Variants in DYNC2H1 observed in about 807,000 individuals in gnomAD.
The protein encoded by DYNC2H1 is dynein cytoplasmic 2 heavy chain 1.
DYNC2H1 carries 410 observed loss-of-function variants against 570.0 expected under a neutral mutation model. The observed-to-expected ratio is 0.72, with a 90% CI of 0.66 to 0.78. The LOEUF (loss-of-function observed/expected upper bound fraction) is 0.78, where lower values mean the gene tolerates loss of function less well. Ranked by LOEUF, DYNC2H1 falls within the 30% of genes least tolerant of loss-of-function variation. The pLI, the probability that DYNC2H1 is intolerant of heterozygous loss-of-function variation, is 0.00. For synonymous variants in DYNC2H1, 1,688 were observed against 1,677.6 expected, an observed-to-expected ratio of 1.01 and a Z score of -0.15; for missense variants, 4,865 against 5,046.4, an observed-to-expected ratio of 0.96 and a Z score of 1.09.
chr11:103,363,961 A>G lies in DYNC2H1; in HGVS notation c.12156+5602A>G, dbSNP rs1251841297. On this transcript the variant is annotated intron_variant, in intron 83 of 88. Coordinates refer to ENST00000375735, the MANE Select transcript of DYNC2H1 (RefSeq NM_001377.3). This position sits in a 1 kb window ranked among gnomAD's most constrained non-coding sequence, Gnocchi z 5.6. ...AATGTAATAGGAGTCTTTTTTCCATATGAGGACCTTGAAGCTCCATAAGGC... is the reference window on the plus strand; with the variant it reads ...AATGTAATAGGAGTCTTTTTTCCATGTGAGGACCTTGAAGCTCCATAAGGC... Among the ~76,000 whole-genome samples, 1 of 152,282 alleles carries G rather than the reference A, an allele frequency of 6.6e-6. No individual in the cohort carries two copies. The highest frequency in any genetic ancestry group is 1.9e-4 in the East Asian group (1 of 5,184).
At chr11:103,247,681 C>T (rs1157489161) in intron 65 of DYNC2H1, among the ~76,000 whole-genome samples, 2 of 151,976 alleles carry the variant, frequency 1.3e-5, no homozygotes, top group African/African-American at 4.8e-5. Context: ...TAAGCTAGTT[C>T]ACTAGTTCCA....
chr11:103,468,905 A>T lies in DYNC2H1; in HGVS notation c.12765+200A>T, dbSNP rs17100974. On this transcript the variant is annotated intron_variant, in intron 88 of 88. Transcript: ENST00000375735. ...GACATTTGAAAACCTTGATTTTGTTATAGAAAGAATAACATAGTATTAATT... is the reference window on the plus strand; with the variant it reads ...GACATTTGAAAACCTTGATTTTGTTTTAGAAAGAATAACATAGTATTAATT... Among the ~76,000 whole-genome samples, 24,855 of 152,182 alleles carry T rather than the reference A, an allele frequency of 0.16. 2,186 individuals carry two copies. Among genetic ancestry groups the T allele is most frequent in the Admixed American group, 0.25 (3,760 of 15,284 alleles).
At chr11:103,222,378 G>C (rs1863620793) in intron 58 of DYNC2H1, among the ~76,000 whole-genome samples, 1 of 152,052 alleles carries the variant, frequency 6.6e-6, no homozygotes, top group South Asian at 2.1e-4. Context: ...TAATAGTTTT[G>C]TATCTGCTGT....
rs1303602019 is a variant in DYNC2H1, at chr11:103,414,157, T to TACA, written c.12366+14287_12366+14289dup. On this transcript the variant is annotated intron_variant, in intron 84 of 88. Coordinates refer to ENST00000375735, the MANE Select transcript of DYNC2H1 (RefSeq NM_001377.3). ...TGGAAACATAACCTTTATCAATTAA[T>TACA]ACAAAAGCAAGATCAGGAAATAAAA... 1.4e-4 allele frequency among the ~76,000 whole-genome samples: 21 copies of TACA among 152,208 alleles called. 1 individual carries two copies. The highest frequency in any genetic ancestry group is 3.4e-3 in the Middle Eastern group (1 of 294).
intron 70 of DYNC2H1, among the ~76,000 whole-genome samples, chr11:103,267,469 G>A (rs11225639): frequency 0.038 from 5,717 of 151,470 alleles, 361 homozygotes; most frequent in African/African-American, 0.13. Flanking sequence ...TGTAAAATGG[G>A]AAATTATAAG....
intron 84 of DYNC2H1, among the ~76,000 whole-genome samples, chr11:103,410,353 C>T (rs1943031392): frequency 6.6e-6 from 1 of 152,084 alleles, no homozygotes; most frequent in Admixed American, 6.6e-5. Context: ...TAGCCCATTT[C>T]TTCCCACCTC....
intron 83 of DYNC2H1, among the ~76,000 whole-genome samples, chr11:103,358,952 G>A (rs933671225): frequency 2.0e-5 from 3 of 152,172 alleles, no homozygotes; most frequent in Non-Finnish European, 4.4e-5. Flanking sequence ...AATGGCAAAA[G>A]TAACCTTAAT....
intron 75 of DYNC2H1, among the ~76,000 whole-genome samples, chr11:103,288,684 T>TAAAAAAAAAA (rs57040929): frequency 1.0e-3 from 29 of 27,898 alleles, no homozygotes; most frequent in African/African-American, 1.9e-3. Flanking sequence ...CCGTCTCTAC[T>TAAAAAAAAAA]AAAAAAAAAA....
chr11:103,410,980 C>T (rs1185462084), intron 84 of DYNC2H1, among the ~76,000 whole-genome samples: 3 of 151,966 alleles, frequency 2.0e-5, no homozygotes, highest in South Asian at 2.1e-4. Context: ...TCCTTTGATC[C>T]GGGTGATGTA....
At chr11:103,246,391 T>A (rs1439035976) in intron 65 of DYNC2H1, among the ~76,000 whole-genome samples, 1 of 152,024 alleles carries the variant, frequency 6.6e-6, no homozygotes, top group Non-Finnish European at 1.5e-5. Context: ...GAAGGACTCA[T>A]TAAATATAAA....
Position 103,479,761 on chromosome 11 carries a change from A to G in DYNC2H1, c.*508A>G, listed in dbSNP as rs906634086. On this transcript the variant is annotated 3_prime_UTR_variant, in exon 89 of 89. Coordinates refer to ENST00000375735, the MANE Select transcript of DYNC2H1 (RefSeq NM_001377.3). ...CAAATATATAATTATTGTCATAATTATATACTTATAACTAATATCTTAAGG... is the reference window on the plus strand; with the variant it reads ...CAAATATATAATTATTGTCATAATTGTATACTTATAACTAATATCTTAAGG... 1 of 151,946 alleles carries G rather than the reference A, an allele frequency of 6.6e-6. No homozygotes were observed. Among genetic ancestry groups the G allele is most frequent in the Admixed American group, 6.6e-5 (1 of 15,240 alleles). 9.4% of individuals were successfully genotyped at this position (151,946 alleles called of 1,614,324 possible). A position where few individuals can be genotyped will look rare whatever the true frequency, so the allele number is the denominator to read the frequency against.
chr11:103,170,335 A>G lies in DYNC2H1; in HGVS notation c.5151+45A>G. Reference sequence around the variant, plus strand: ...AAATATGTAACAATGGGTTAATCATATTTAGATTAGTTTCTATTAGTATAT... The same window carrying G: ...AAATATGTAACAATGGGTTAATCATGTTTAGATTAGTTTCTATTAGTATAT... On this transcript the variant is annotated intron_variant, in intron 33 of 88. Coordinates refer to ENST00000375735, the MANE Select transcript of DYNC2H1 (RefSeq NM_001377.3). The surrounding 1 kb of genome is among the most constrained non-coding windows in gnomAD (Gnocchi z 4.8). 6.8e-7 allele frequency: 1 copy of G among 1,476,416 alleles called. No homozygotes were observed. The highest frequency in any genetic ancestry group is 9.0e-7 in the Non-Finnish European group (1 of 1,108,312). 91.5% of individuals were successfully genotyped at this position (1,476,416 alleles called of 1,614,324 possible). A position where few individuals can be genotyped will look rare whatever the true frequency, so the allele number is the denominator to read the frequency against.
rs571078443 is a variant in DYNC2H1 at position 103,282,920 on chromosome 11, C to T, written c.10813-88C>T. 100 of 974,504 alleles carry T rather than the reference C, an allele frequency of 1.0e-4. No homozygotes were observed. In the South Asian group the frequency reaches 1.7e-3, roughly 16 times the overall value. The allele number at this position is 974,504 out of a possible 1,614,324, so 60.4% of individuals were successfully genotyped here. ...AATAATGCATAGAATGAATTTTTTT[C>T]AAAATAATAAAATAGCTAATCAATT... On this transcript the variant is annotated intron_variant, in intron 72 of 88. Transcript: ENST00000375735.
Position 103,455,180 on chromosome 11 carries a change from C to A in DYNC2H1, c.12457-6C>A, listed in dbSNP as rs11225812. The A allele has an allele frequency of 3.7e-6, 6 of 1,609,244 alleles. No individual in the cohort carries two copies. In the African/African-American group the frequency reaches 5.3e-5, roughly 14 times the overall value. On this transcript the variant is annotated splice_polypyrimidine_tract_variant and splice_region_variant and intron_variant, in intron 85 of 88. Transcript: ENST00000375735. ...TATTTATATGTTCATATTTCCCCCC[C>A]TCTAGAACTGGGTAGATAAAGCTGA...
At chr11:103,456,399 C>A in intron 87 of DYNC2H1, 43 bp downstream of exon 87, 1 of 1,477,804 alleles carries the variant, frequency 6.8e-7, no homozygotes, top group Non-Finnish European at 9.3e-7. Flanking sequence ...GCCTTATCAC[C>A]AACTGATATA....
At chr11:103,376,825 G>C (rs1941411978) in intron 83 of DYNC2H1, among the ~76,000 whole-genome samples, 2 of 152,186 alleles carry the variant, frequency 1.3e-5, no homozygotes, top group Admixed American at 1.3e-4. Flanking sequence ...GGCCACTCTA[G>C]TAGTGACGAA....
At chr11:103,176,766 T>C (rs375990665) in intron 37 of DYNC2H1, among the ~76,000 whole-genome samples, 6 of 152,034 alleles carry the variant, frequency 3.9e-5, no homozygotes, top group South Asian at 2.1e-4. Flanking sequence ...AGTGCGGTGG[T>C]GTGATCTCGG....
chr11:103,247,867 A>G (rs1261613933), intron 65 of DYNC2H1, among the ~76,000 whole-genome samples: 1 of 152,026 alleles, frequency 6.6e-6, no homozygotes, highest in Non-Finnish European at 1.5e-5. Context: ...GCTTATCTGT[A>G]AGATTATTTG....
intron 83 of DYNC2H1, among the ~76,000 whole-genome samples, chr11:103,384,840 C>T (rs2135588816): frequency 6.6e-6 from 1 of 152,192 alleles, no homozygotes; most frequent in African/African-American, 2.4e-5. Context: ...CTCAGACATT[C>T]TGTTTGGTTT....
Sources: allele counts gnomAD v4.1 joint callset (sites outside exome capture counted in the v4.1 genomes callset), GRCh38; gene constraint gnomAD v4.1.1; non-coding constraint Gnocchi (gnomAD v3.1); transcripts MANE v1.5; gene names NCBI Gene and HGNC (gene_info 2026-07-23, HGNC 2026-07-21).